The following ZNF600 variants were observed in gnomAD, a reference collection of about 807,000 sequenced individuals.
ZNF600 encodes zinc finger protein KR-ZNF1.
ZNF600 carries 4 observed loss-of-function variants against 7.3 expected under a neutral mutation model. That is an observed-to-expected ratio of 0.55 (90% CI 0.27 to 1.25). The LOEUF is 1.25. ZNF600 is among the 50% of genes most tolerant of loss of function. The pLI is 0.12. For missense variants in ZNF600, 911 were observed against 922.1 expected (o/e 0.99, Z 0.16); for synonymous variants, 290 against 308.9 (o/e 0.94, Z 0.64).
At chr19:52,770,600 T>C (rs1307296821) in intron 3 of ZNF600, among the ~76,000 whole-genome samples, 3 of 151,660 alleles carry the variant, frequency 2.0e-5, no homozygotes, top group Non-Finnish European at 4.4e-5. Flanking sequence ...ATAGAATGTG[T>C]ACTGGGAAAA....
chr19:52,785,736 C>G (rs887742457), intron 1 of ZNF600, among the ~76,000 whole-genome samples: 1 of 152,140 alleles, frequency 6.6e-6, no homozygotes, highest in East Asian at 1.9e-4. Flanking sequence ...TGCTGTGGTT[C>G]TCCATCTGTT....
the ZNF600 span, among the ~76,000 whole-genome samples, chr19:52,808,535 G>A: frequency 1.3e-5 from 2 of 151,966 alleles, no homozygotes; most frequent in Admixed American, 1.3e-4. Context: ...TACGCAGGAG[G>A]CTGAGGCAGA....
the ZNF600 span, among the ~76,000 whole-genome samples, chr19:52,831,512 T>C: frequency 2.0e-5 from 3 of 149,862 alleles, no homozygotes; most frequent in Admixed American, 2.0e-4. Context: ...TGTTTTTTTG[T>C]TTTTTTTTGA....
chr19:52,770,679 T>C (rs1036124665), intron 3 of ZNF600, among the ~76,000 whole-genome samples: 3 of 152,206 alleles, frequency 2.0e-5, no homozygotes, highest in African/African-American at 7.2e-5. Context: ...ATATGATGTA[T>C]GTTCCCTGGC....
At chr19:52,791,457 T>G (rs144530117), upstream of ZNF600, among the ~76,000 whole-genome samples, 9 of 152,240 alleles carry the variant, frequency 5.9e-5, no homozygotes, top group South Asian at 2.1e-4. Context: ...ATTTCAGAAA[T>G]GAAAGAGACA....
exon 4 of ZNF600, chr19:52,767,126 T>G (rs1168950994): frequency 1.2e-6 from 2 of 1,613,752 alleles, no homozygotes; most frequent in Non-Finnish European, 1.7e-6. Context: ...CAGTGTGACA[T>G]CTACAATGGC....
the ZNF600 span, among the ~76,000 whole-genome samples, chr19:52,824,728 T>C: frequency 1.3e-5 from 2 of 152,064 alleles, no homozygotes; most frequent in Non-Finnish European, 2.9e-5. Flanking sequence ...AGAGTGTTCT[T>C]CCTCACTGAA....
chr19:52,812,305 C>T, the ZNF600 span, among the ~76,000 whole-genome samples: 2 of 140,966 alleles, frequency 1.4e-5, no homozygotes, highest in Admixed American at 6.9e-5. Context: ...ATGACAATGG[C>T]GGTTTTGTGG....
chr19:52,811,909 G>A, the ZNF600 span, among the ~76,000 whole-genome samples: 3 of 114,160 alleles, frequency 2.6e-5, no homozygotes, highest in Admixed American at 8.1e-5. Flanking sequence ...CCCCCCGCCC[G>A]GCCAGCCGCC....
chr19:52,766,675 T>C, exon 4 of ZNF600: 1 of 1,614,234 alleles, frequency 6.2e-7, no homozygotes, highest in Non-Finnish European at 8.5e-7. Flanking sequence ...CCACACTCAT[T>C]ACACTTGTAA....
the ZNF600 span, chr19:52,810,858 T>TCCC: frequency 2.2e-5 from 1 of 45,062 alleles, no homozygotes; most frequent in African/African-American, 2.4e-4. Context: ...CCTCTCCCTC[T>TCCC]CCCCCTCCCC....
the ZNF600 span, among the ~76,000 whole-genome samples, chr19:52,816,684 T>G: frequency 8.4e-6 from 1 of 119,294 alleles, no homozygotes. Context: ...AAAAAAAAAT[T>G]AGTTGGGGAT....
At chr19:52,821,377 A>G in the ZNF600 span, among the ~76,000 whole-genome samples, 2,421 of 151,782 alleles carry the variant, frequency 0.016, 58 homozygotes, top group African/African-American at 0.053. Flanking sequence ...ATTGCCCTGT[A>G]GCAGAAAGAC....
At chr19:52,780,445 AG>A (rs1426261390) in intron 1 of ZNF600, among the ~76,000 whole-genome samples, 135 bp downstream of exon 3, 1 of 135,844 alleles carries the variant, frequency 7.4e-6, no homozygotes, top group African/African-American at 3.2e-5. Context: ...GAGCAACCTC[AG>A]CCCCAGGAAG....
chr19:52,801,400 G>C, the ZNF600 span: 1 of 1,614,168 alleles, frequency 6.2e-7, no homozygotes, highest in Non-Finnish European at 8.5e-7. Context: ...TGCAGTTCAG[G>C]CAGATGCGAA....
In ZNF600 at chr19:52,769,203, C is replaced by T. The variant is rs371433801; in HGVS notation, c.191-1431G>A. Among the ~76,000 whole-genome samples, 862 of 152,162 alleles carry T rather than the reference C, an allele frequency of 5.7e-3. 3 individuals are homozygous for T. The highest frequency in any genetic ancestry group is 0.02 in the Middle Eastern group (6 of 294). ...CCCGGGGGAGTTTAGAGAACACTCT[C>T]CTCCACCACCTCTTGCGGAGGGCCT... is the stretch of plus-strand genomic sequence containing the variant. On this transcript the variant is annotated intron_variant, in intron 3 of 3. Coordinates refer to ENST00000648973, the Ensembl canonical transcript of ZNF600.
At chr19:52,815,803 C>T in the ZNF600 span, among the ~76,000 whole-genome samples, 224 of 145,840 alleles carry the variant, frequency 1.5e-3, 35 homozygotes, top group African/African-American at 5.5e-3. Flanking sequence ...CCAGCCTGGG[C>T]GACAGAGCGA....
exon 4 of ZNF600, chr19:52,766,107 C>T: frequency 6.2e-7 from 1 of 1,614,114 alleles, no homozygotes; most frequent in Non-Finnish European, 8.5e-7. Context: ...AGGTTTCTCA[C>T]CACTATGAAG....
the ZNF600 span, among the ~76,000 whole-genome samples, chr19:52,827,597 T>C: frequency 1.3e-5 from 2 of 151,650 alleles, no homozygotes; most frequent in African/African-American, 2.4e-5. Flanking sequence ...TTTTTTGAGA[T>C]GGAGTCTTGC....
Sources: allele counts gnomAD v4.1 joint callset (sites outside exome capture counted in the v4.1 genomes callset), GRCh38; gene constraint gnomAD v4.1.1; transcripts MANE v1.5; gene names NCBI Gene and HGNC (gene_info 2026-07-23, HGNC 2026-07-21).